Variants in TMEM19 observed in about 807,000 individuals in gnomAD.
The protein encoded by TMEM19 is transmembrane protein 19.
In TMEM19, 21 loss-of-function variants were observed where a neutral mutation model predicts 33.6. That is an observed-to-expected ratio of 0.62 (90% CI 0.44 to 0.90). TMEM19 has a LOEUF of 0.90. TMEM19 is among the 40% of genes least tolerant of loss of function. TMEM19 has a pLI of 0.00. For synonymous variants in TMEM19, 149 were observed against 147.5 expected (o/e 1.01, Z -0.07); for missense variants, 402 against 401.8 (o/e 1.00, Z 0.00).
At position 71,701,525 on chromosome 12, in the gene TMEM19, G is replaced by A. The variant is rs1309387993; in HGVS notation, c.*530G>A. On this transcript the variant is annotated 3_prime_UTR_variant, in exon 6 of 6. Transcript: ENST00000266673. ...TGCTATTCACAATTGGGAAAAGTGT[G>A]GAGATTGGTTCCTAGTGAGTTTTGT... 2 of 152,162 alleles carry A rather than the reference G, an allele frequency of 1.3e-5. No homozygotes were observed. Among genetic ancestry groups the A allele is most frequent in the Non-Finnish European group, 2.9e-5 (2 of 68,046 alleles). The allele number at this position is 152,162 out of a possible 1,614,324, so 9.4% of individuals were successfully genotyped here.
intron 1 of TMEM19, among the ~76,000 whole-genome samples, chr12:71,688,126 C>T (rs1343196486): frequency 6.6e-6 from 1 of 152,182 alleles, no homozygotes; most frequent in East Asian, 1.9e-4. Flanking sequence ...TCACCTAATG[C>T]AAATGAATCT....
chr12:71,701,110 TA>T lies in TMEM19; in HGVS notation c.*116del. The T allele has an allele frequency of 9.2e-7, 1 of 1,084,652 alleles. No homozygotes were observed. The highest frequency in any genetic ancestry group is 2.6e-5 in the East Asian group (1 of 38,410). 67.2% of individuals were successfully genotyped at this position (1,084,652 alleles called of 1,614,324 possible). On this transcript the variant is annotated 3_prime_UTR_variant, in exon 6 of 6. Transcript: ENST00000266673. Reference sequence around the variant, plus strand: ...AAAGCGGAAATGCCAGTTCCTCCTGTATTCCATTGAGATGGGATTTCACATT... The same window carrying T: ...AAAGCGGAAATGCCAGTTCCTCCTGTTTCCATTGAGATGGGATTTCACATT...
At position 71,700,992 on chromosome 12, in the gene TMEM19, G is replaced by T. The variant is rs373695076; in HGVS notation, c.1008G>T (p.Gly336=). 3.1e-6 allele frequency: 5 copies of T among 1,605,292 alleles called. No individual in the cohort carries two copies. The highest frequency in any genetic ancestry group is 4.3e-6 in the Non-Finnish European group (5 of 1,176,136). Residue 336 remains glycine, a synonymous_variant, in exon 6 of 6, where the codon GGG becomes GGT. Transcript: ENST00000266673. ...CTGCTTGGGGTTTTTGGCCCAGGGG[G>T]TGAACTTTATTTCATTTCCACAGGT... is the stretch of plus-strand genomic sequence containing the variant. ...PTAAWGFWPR[G]
chr12:71,698,484 A>G (rs1213796025), intron 4 of TMEM19, among the ~76,000 whole-genome samples: 2 of 152,214 alleles, frequency 1.3e-5, no homozygotes, highest in Non-Finnish European at 2.9e-5. Flanking sequence ...CATGCCTGTC[A>G]TCCCAACTAC....
intron 4 of TMEM19, among the ~76,000 whole-genome samples, chr12:71,698,026 C>T (rs1028556818): frequency 1.3e-5 from 2 of 152,206 alleles, no homozygotes; most frequent in Admixed American, 6.5e-5. Context: ...TTACGATTTT[C>T]AGATTCGGGA....
At chr12:71,697,852 G>A (rs1034974670) in intron 4 of TMEM19, among the ~76,000 whole-genome samples, 3 of 152,166 alleles carry the variant, frequency 2.0e-5, no homozygotes, top group Non-Finnish European at 4.4e-5. Context: ...TAGGATATCA[G>A]TGCTTTAAGA....
At chr12:71,700,302 G>A (rs757399297) in intron 5 of TMEM19, among the ~76,000 whole-genome samples, 10 of 152,206 alleles carry the variant, frequency 6.6e-5, no homozygotes, top group Admixed American at 5.9e-4. Flanking sequence ...ATTGCATTGA[G>A]TGGGTTGAAA....
rs112507683 is a variant in TMEM19, at chr12:71,704,030, C to T, written c.*3035C>T. 1,050 of 452,706 alleles carry T rather than the reference C, an allele frequency of 2.3e-3. 4 individuals carry two copies. Among genetic ancestry groups the T allele is most frequent in the African/African-American group, 0.018 (893 of 50,088 alleles). 28.0% of individuals were successfully genotyped at this position (452,706 alleles called of 1,614,324 possible). A position where few individuals can be genotyped will look rare whatever the true frequency, so the allele number is the denominator to read the frequency against. On this transcript the variant is annotated 3_prime_UTR_variant, in exon 6 of 6. Coordinates refer to ENST00000266673, the MANE Select transcript of TMEM19 (RefSeq NM_018279.4). ...TCATGGAAAGAGCTCTATGTAACAGCATAATAAAACTGCCTACCTAGCAGC... is the reference window on the plus strand; with the variant it reads ...TCATGGAAAGAGCTCTATGTAACAGTATAATAAAACTGCCTACCTAGCAGC...
chr12:71,694,648 CAA>C (rs1420423812), intron 2 of TMEM19, among the ~76,000 whole-genome samples: 1 of 152,198 alleles, frequency 6.6e-6, no homozygotes, highest in Non-Finnish European at 1.5e-5. Context: ...TTGGTGAGTA[CAA>C]AGTCTGAGAA....
rs566089268 is a variant in TMEM19, at chr12:71,697,272, G to C, written c.383-8G>C. The stretch of plus-strand genomic sequence containing the variant: ...ATTTGTTTGTCCTTTTCATCTGTTT[G>C]TTTCCAGGTGGGCAAAGGAATTGGG... On this transcript the variant is annotated splice_polypyrimidine_tract_variant and splice_region_variant and intron_variant, in intron 3 of 5. Transcript: ENST00000266673. The C allele has an allele frequency of 6.3e-6, 10 of 1,577,690 alleles. No individual in the cohort carries two copies. In the East Asian group the frequency reaches 1.4e-4, roughly 22 times the overall value.
intron 2 of TMEM19, among the ~76,000 whole-genome samples, chr12:71,695,198 A>T (rs558838237): frequency 7.4e-4 from 112 of 152,360 alleles, no homozygotes; most frequent in African/African-American, 2.6e-3. Flanking sequence ...TTTACACTGC[A>T]TGAAAGAAAC....
chr12:71,696,629 AG>A (rs1430438994), intron 3 of TMEM19, 56 bp downstream of exon 3: 12 of 1,440,674 alleles, frequency 8.3e-6, no homozygotes, highest in African/African-American at 7.3e-5. Context: ...TCCTAACATA[AG>A]GTTTTTTTTT....
chr12:71,698,538 G>C (rs1881916083), intron 4 of TMEM19, among the ~76,000 whole-genome samples: 1 of 151,802 alleles, frequency 6.6e-6, no homozygotes, highest in Non-Finnish European at 1.5e-5. Flanking sequence ...TGGAGTTGGA[G>C]GCTGCAGTAG....
chr12:71,696,414 T>C (rs1881871331), intron 2 of TMEM19, 22 bp from the exon 3 acceptor site: 3 of 1,559,764 alleles, frequency 1.9e-6, no homozygotes, highest in Middle Eastern at 1.7e-4. Context: ...TATAATTCTG[T>C]GTTTATATAT....
In TMEM19 at chr12:71,686,300, G is replaced by A. The variant is rs1018034376; in HGVS notation, c.-381G>A. On this transcript the variant is annotated 5_prime_UTR_variant, in exon 1 of 6. The change creates a new upstream start codon in the 5' untranslated region. Transcript: ENST00000266673. ...AGCCGCTGGCCTACCCGGCCCGCGG[G>A]TGAGAAGGTTGCGACGGGAGGTGGG... 39 of 249,048 alleles carry A rather than the reference G, an allele frequency of 1.6e-4. 1 individual carries two copies. In the Admixed American group the frequency reaches 1.7e-3, roughly 11 times the overall value. 15.4% of individuals were successfully genotyped at this position (249,048 alleles called of 1,614,324 possible). A position where few individuals can be genotyped will look rare whatever the true frequency, so the allele number is the denominator to read the frequency against.
chr12:71,695,665 A>G (rs889405747), intron 2 of TMEM19, among the ~76,000 whole-genome samples: 2 of 152,226 alleles, frequency 1.3e-5, no homozygotes, highest in Non-Finnish European at 2.9e-5. Flanking sequence ...CCTGGATAAT[A>G]TAATAAGCAT....
chr12:71,698,917 A>C lies in TMEM19; in HGVS notation c.655A>C (p.Thr219Pro). The C allele has an allele frequency of 6.2e-7, 1 of 1,614,124 alleles. No homozygotes were observed. Among genetic ancestry groups the C allele is most frequent in the Non-Finnish European group, 8.5e-7 (1 of 1,179,998 alleles). ...TTCTTCAGGTACCAATGGAGGAGTT[A>C]CAGTGGTGGGCCTTGTCTCCAGTCT... ...KVPVGTNGGV[T>P]VVGLVSSLLG... The change falls in exon 5 of 6, where the codon ACA becomes CCA. Residue 219 changes from threonine (T) to proline (P), a missense_variant. Coordinates refer to ENST00000266673, the MANE Select transcript of TMEM19 (RefSeq NM_018279.4).
Position 71,686,773 on chromosome 12 carries a change from T to C in TMEM19, c.93T>C (p.Ala31=). ...GCCTGATCATTTGCATTTCGTTAGC[T>C]TTCTGGATTATATCAATGACTGCAA... ...ILSLIICISL[A]FWIISMTAST... Residue 31 remains alanine, a synonymous_variant, in exon 1 of 6, where the codon GCT becomes GCC. Transcript: ENST00000266673. The C allele has an allele frequency of 1.2e-6, 2 of 1,612,838 alleles. No individual in the cohort carries two copies. The highest frequency in any genetic ancestry group is 1.7e-6 in the Non-Finnish European group (2 of 1,179,772).
chr12:71,689,833 A>G lies in TMEM19; in HGVS notation c.244+129A>G, dbSNP rs530546132. 50 of 668,772 alleles carry G rather than the reference A, an allele frequency of 7.5e-5. No homozygotes were observed. The East Asian group carries it at 1.4e-3, about 19-fold the overall frequency. 41.4% of individuals were successfully genotyped at this position (668,772 alleles called of 1,614,324 possible). A position where few individuals can be genotyped will look rare whatever the true frequency, so the allele number is the denominator to read the frequency against. On this transcript the variant is annotated intron_variant, in intron 2 of 5. Transcript: ENST00000266673. ...ACAGTTATATATTTTAGACAATGATAAAGTTACATCTTGCTCAGCATTCCT... is the reference window on the plus strand; with the variant it reads ...ACAGTTATATATTTTAGACAATGATGAAGTTACATCTTGCTCAGCATTCCT...
Sources: gnomAD v4.1 joint callset for allele counts (sites outside exome capture counted in the v4.1 genomes callset) on GRCh38, gnomAD v4.1.1 for gene constraint, MANE v1.5 for transcripts, NCBI Gene and HGNC (gene_info 2026-07-23, HGNC 2026-07-21) for gene names.